ULBP1: variants seen among roughly 807,000 people sequenced by gnomAD.
ULBP1 encodes the protein UL16 binding protein 1, also known as UL16-binding protein 1.
ULBP1 carries 28 observed loss-of-function variants against 25.3 expected under a neutral mutation model. That is an observed-to-expected ratio of 1.10 (90% CI 0.82 to 1.51). The LOEUF (loss-of-function observed/expected upper bound fraction) is 1.51, where lower values mean the gene tolerates loss of function less well. Ranked by LOEUF, ULBP1 falls within the 40% of genes most tolerant of loss-of-function variation. The pLI is 0.00. For missense variants in ULBP1, 348 were observed against 290.9 expected, an observed-to-expected ratio of 1.20 and a Z score of -1.43; for synonymous variants, 129 against 103.0, an observed-to-expected ratio of 1.25 and a Z score of -1.53.
At chr6:149,970,195 TGGGA>T in intron 4 of ULBP1, 48 bp downstream of exon 4, 1 of 1,530,486 alleles carries the variant, frequency 6.5e-7, no homozygotes, top group Non-Finnish European at 8.8e-7. Context: ...ATGGGTGAGA[TGGGA>T]GGATGTGGAA....
At chr6:149,970,287 G>T in intron 4 of ULBP1, 140 bp downstream of exon 4, 1 of 1,241,376 alleles carries the variant, frequency 8.1e-7, no homozygotes, top group Non-Finnish European at 1.1e-6. Flanking sequence ...GCTGTCACCT[G>T]TTGGCAATGA....
chr6:149,964,240 C>G, intron 1 of ULBP1, 106 bp downstream of exon 1: 1 of 1,287,444 alleles, frequency 7.8e-7, no homozygotes, highest in Non-Finnish European at 1.1e-6. Flanking sequence ...CCGGCGCGAT[C>G]TCCCTGAACG....
At position 149,967,890 on chromosome 6, in the gene ULBP1, A is replaced by T. The variant is rs9371586; in HGVS notation, c.86-717A>T. ...GCTGCCTTCTCCTGGGGCCTTCTTT[A>T]TATGCTGGGTATACAAGAGTCCTCC... On this transcript the variant is annotated intron_variant, in intron 1 of 4. Coordinates refer to ENST00000229708, the MANE Select transcript of ULBP1 (RefSeq NM_025218.4). Among the ~76,000 whole-genome samples, 40 of 152,062 alleles carry T rather than the reference A, an allele frequency of 2.6e-4. 1 individual carries two copies. In the East Asian group the frequency reaches 7.8e-3, roughly 30 times the overall value.
At position 149,971,481 on chromosome 6, in the gene ULBP1, C is replaced by T; in HGVS notation, c.*135C>T. On this transcript the variant is annotated 3_prime_UTR_variant, in exon 5 of 5. Coordinates refer to ENST00000229708, the MANE Select transcript of ULBP1 (RefSeq NM_025218.4). ...CCTTTCTGGAAAGCAGGAGTTCAAG[C>T]CTTAGCAAGCCCAGAGGCCCCCAGC... 1.2e-6 allele frequency: 1 copy of T among 837,752 alleles called. No homozygotes were observed. The highest frequency in any genetic ancestry group is 1.4e-6 in the Non-Finnish European group (1 of 697,236). The allele number at this position is 837,752 out of a possible 1,614,324, so 51.9% of individuals were successfully genotyped here.
At position 149,973,275 on chromosome 6, in the gene ULBP1, A is replaced by G. The variant is rs1190777559; in HGVS notation, c.*1929A>G. 1 of 152,190 alleles carries G rather than the reference A, an allele frequency of 6.6e-6. No individual in the cohort carries two copies. The highest frequency in any genetic ancestry group is 1.5e-5 in the Non-Finnish European group (1 of 68,032). The allele number at this position is 152,190 out of a possible 1,614,324, so 9.4% of individuals were successfully genotyped here. On this transcript the variant is annotated 3_prime_UTR_variant, in exon 5 of 5. Transcript: ENST00000229708. ...TCCCATTGGAAAGTGGCAGCTAAACATTAAATTCGCATGAACCACAGATGC... is the reference window on the plus strand; with the variant it reads ...TCCCATTGGAAAGTGGCAGCTAAACGTTAAATTCGCATGAACCACAGATGC...
rs1779285289 is a variant in ULBP1, at chr6:149,970,021, C to A, written c.631C>A (p.Pro211Thr). The change falls in exon 4 of 5, where the codon CCC becomes ACC. Residue 211 changes from proline to threonine, a missense_variant. Coordinates refer to ENST00000229708, the MANE Select transcript of ULBP1 (RefSeq NM_025218.4). ...WEQMLDPTKP[P>T]SLAPGTTQPK... Reference sequence around the variant, plus strand: ...CTCCTGTGTTTCCATTTCAGAACCACCCTCTCTGGCCCCAGGCACAACCCA... The same window carrying A: ...CTCCTGTGTTTCCATTTCAGAACCAACCTCTCTGGCCCCAGGCACAACCCA... The A allele has an allele frequency of 6.2e-7, 1 of 1,611,786 alleles. No individual in the cohort carries two copies. The highest frequency in any genetic ancestry group is 1.3e-5 in the African/African-American group (1 of 74,928).
intron 1 of ULBP1, among the ~76,000 whole-genome samples, chr6:149,967,970 C>T (rs1354293749): frequency 1.3e-5 from 2 of 152,142 alleles, no homozygotes; most frequent in African/African-American, 4.8e-5. Flanking sequence ...ATATTGCAAC[C>T]ACTCTGGCAT....
At chr6:149,969,879 G>C (rs1486110169) in intron 3 of ULBP1, 137 bp from the exon 4 acceptor site, 2 of 1,178,342 alleles carry the variant, frequency 1.7e-6, no homozygotes, top group African/African-American at 1.5e-5. Context: ...CCCAAGACTT[G>C]TCCCAGAGGT....
chr6:149,973,383 G>A lies in ULBP1; in HGVS notation c.*2037G>A, dbSNP rs1228826724. Reference sequence around the variant, plus strand: ...TGGGTATCATGCTTACTGTCTGGGCGATGGGATCATTGGGACACCAAGCCT... The same window carrying A: ...TGGGTATCATGCTTACTGTCTGGGCAATGGGATCATTGGGACACCAAGCCT... On this transcript the variant is annotated 3_prime_UTR_variant, in exon 5 of 5. Coordinates refer to ENST00000229708, the MANE Select transcript of ULBP1 (RefSeq NM_025218.4). 2.6e-5 allele frequency: 4 copies of A among 152,178 alleles called. No individual in the cohort carries two copies. Among genetic ancestry groups the A allele is most frequent in the Admixed American group, 6.5e-5 (1 of 15,282 alleles). 9.4% of individuals were successfully genotyped at this position (152,178 alleles called of 1,614,324 possible). A position where few individuals can be genotyped will look rare whatever the true frequency, so the allele number is the denominator to read the frequency against.
intron 1 of ULBP1, among the ~76,000 whole-genome samples, chr6:149,965,511 G>A (rs78207606): frequency 0.022 from 3,300 of 152,284 alleles, 131 homozygotes; most frequent in African/African-American, 0.076. Context: ...GTGCAGACCC[G>A]CAGCCCCACT....
intron 4 of ULBP1, among the ~76,000 whole-genome samples, chr6:149,970,542 G>A (rs60249086): frequency 0.14 from 20,800 of 152,088 alleles, 2,631 homozygotes; most frequent in East Asian, 0.34. Flanking sequence ...GTCAAGGGAA[G>A]GGGTGTCCCT....
In ULBP1 at chr6:149,970,055, C is replaced by T. The variant is rs545370419; in HGVS notation, c.665C>T (p.Ala222Val). The T allele has an allele frequency of 6.2e-7, 1 of 1,613,662 alleles. No homozygotes were observed. Among genetic ancestry groups the T allele is most frequent in the African/African-American group, 1.3e-5 (1 of 75,036 alleles). Residue 222 changes from alanine to valine, a missense_variant, in exon 4 of 5, where the codon GCC becomes GTC. By Grantham distance (64) the Ala-to-Val change is moderately conservative (BLOSUM62 0). Coordinates refer to ENST00000229708, the MANE Select transcript of ULBP1 (RefSeq NM_025218.4). Reference protein sequence around the residue: ...SLAPGTTQPKAMATTLSPWSL... With the variant: ...SLAPGTTQPKVMATTLSPWSL... ...GCCCCAGGCACAACCCAACCCAAGG[C>T]CATGGCCACCACCCTCAGTCCCTGG... is the stretch of plus-strand genomic sequence containing the variant.
rs560401497 is a variant in ULBP1, at chr6:149,970,156, G to C, written c.*22+9G>C. 40 of 1,571,634 alleles carry C rather than the reference G, an allele frequency of 2.5e-5. 1 individual carries two copies. In the South Asian group the frequency reaches 4.6e-4, roughly 18 times the overall value. ...GTTGTTTAGAGTGACAGGTACTGTG[G>C]GCAATATTGGGAGGGGAGCAAGAGG... On this transcript the variant is annotated intron_variant, in intron 4 of 4. Coordinates refer to ENST00000229708, the MANE Select transcript of ULBP1 (RefSeq NM_025218.4).
rs1448730867 is a variant in ULBP1 at position 149,972,116 on chromosome 6, T to C, written c.*770T>C. ...GATTACAGACATGAACCACAGTGCC[T>C]GTTGTAGAAATTTTTAATTATTTAA... On this transcript the variant is annotated 3_prime_UTR_variant, in exon 5 of 5. Coordinates refer to ENST00000229708, the MANE Select transcript of ULBP1 (RefSeq NM_025218.4). 1 of 152,220 alleles carries C rather than the reference T, an allele frequency of 6.6e-6. No individual in the cohort carries two copies. The highest frequency in any genetic ancestry group is 2.4e-5 in the African/African-American group (1 of 41,450). 9.4% of individuals were successfully genotyped at this position (152,220 alleles called of 1,614,324 possible).
intron 4 of ULBP1, among the ~76,000 whole-genome samples, chr6:149,970,960 G>T (rs931270757): frequency 6.6e-6 from 1 of 152,254 alleles, no homozygotes; most frequent in African/African-American, 2.4e-5. Context: ...AGCTCCCAGG[G>T]TGAGGAAAGG....
intron 1 of ULBP1, 40 bp downstream of exon 1, chr6:149,964,174 A>G: frequency 6.2e-7 from 1 of 1,611,242 alleles, no homozygotes; most frequent in Non-Finnish European, 8.5e-7. Context: ...CGGGGGCCAA[A>G]CCTGGGAGGT....
At chr6:149,971,317 C>A (rs1271106658) in intron 4 of ULBP1, 52 bp from the exon 5 acceptor site, 1 of 984,752 alleles carries the variant, frequency 1.0e-6, no homozygotes, top group African/African-American at 1.8e-5. Context: ...CCCAGGAGAA[C>A]AGACCCAGGT....
At chr6:149,966,014 C>T (rs1240173752) in intron 1 of ULBP1, among the ~76,000 whole-genome samples, 1 of 152,044 alleles carries the variant, frequency 6.6e-6, no homozygotes, top group Non-Finnish European at 1.5e-5. Context: ...ACCCTGGGAG[C>T]GCCGGTGAGT....
intron 1 of ULBP1, among the ~76,000 whole-genome samples, chr6:149,965,063 C>T (rs1779177870): frequency 6.8e-6 from 1 of 147,686 alleles, no homozygotes; most frequent in African/African-American, 2.5e-5. Context: ...CAGGAGGCTT[C>T]TGGGTGGACC....
Sources: allele counts gnomAD v4.1 joint callset (sites outside exome capture counted in the v4.1 genomes callset), GRCh38; gene constraint gnomAD v4.1.1; transcripts MANE v1.5; gene names NCBI Gene and HGNC (gene_info 2026-07-23, HGNC 2026-07-21).